Variants in CALN1 observed in about 807,000 individuals in gnomAD.
CALN1 encodes the protein calcium-binding protein 8.
CALN1 carries 17 observed loss-of-function variants against 30.6 expected under a neutral mutation model. The ratio of observed to expected loss-of-function variants is 0.56; its 90% CI spans 0.38 to 0.83. The LOEUF (loss-of-function observed/expected upper bound fraction) is 0.83. Among genes scored for constraint, CALN1 ranks in the 40% least tolerant of loss-of-function variants. The pLI is 0.00. For synonymous variants in CALN1, 156 were observed against 131.4 expected (o/e 1.19, Z -1.28); for missense variants, 291 against 354.9 (o/e 0.82, Z 1.45).
Position 71,993,330 on chromosome 7 carries a change from ATGG to A in CALN1, c.501+30324_501+30326del, listed in dbSNP as rs986396638. On this transcript the variant is annotated intron_variant, in intron 5 of 6. Coordinates refer to ENST00000395275, the MANE Select transcript of CALN1 (RefSeq NM_031468.4). ...GCTCACTTATTATATCTCTTAGTGG[ATGG>A]TGTGTGCCTGTAGTCCTAGCTACTT... is the stretch of plus-strand genomic sequence containing the variant. 6.9e-4 allele frequency among the ~76,000 whole-genome samples: 105 copies of A among 152,068 alleles called. No individual in the cohort carries two copies. The Middle Eastern group carries it at 0.01, about 15-fold the overall frequency.
chr7:72,031,386 G>A (rs541491370), intron 4 of CALN1, among the ~76,000 whole-genome samples: 3 of 152,152 alleles, frequency 2.0e-5, no homozygotes, highest in Non-Finnish European at 2.9e-5. Context: ...CTATGTGCCA[G>A]GCACTGAGCT....
intron 3 of CALN1, among the ~76,000 whole-genome samples, chr7:72,131,138 G>A (rs1168944131): frequency 6.6e-6 from 1 of 152,124 alleles, no homozygotes; most frequent in African/African-American, 2.4e-5. Context: ...AGTGGAGAGA[G>A]AGGCAGAAAA....
At chr7:71,945,504 AG>A (rs1796360382) in intron 5 of CALN1, among the ~76,000 whole-genome samples, 1 of 152,224 alleles carries the variant, frequency 6.6e-6, no homozygotes, top group African/African-American at 2.4e-5. Context: ...GTTAGGAACC[AG>A]GCTACACAGC....
At chr7:72,105,526 G>A (rs1054432604) in intron 4 of CALN1, among the ~76,000 whole-genome samples, 1 of 151,704 alleles carries the variant, frequency 6.6e-6, no homozygotes, top group South Asian at 2.1e-4. Context: ...TCTGGACCAA[G>A]ACCCTGGTCT....
At chr7:71,923,533 A>G (rs1486409480) in intron 5 of CALN1, among the ~76,000 whole-genome samples, 1 of 152,144 alleles carries the variant, frequency 6.6e-6, no homozygotes, top group African/African-American at 2.4e-5. Flanking sequence ...CAAATCTTTC[A>G]TTAAACCAAT....
intron 2 of CALN1, among the ~76,000 whole-genome samples, chr7:72,379,568 A>C (rs1174809168): frequency 2.0e-5 from 3 of 152,254 alleles, no homozygotes; most frequent in Admixed American, 6.5e-5. Context: ...TCAAGCAATT[A>C]TCAGCCATTC....
chr7:72,400,543 G>C (rs1204885536), intron 2 of CALN1, among the ~76,000 whole-genome samples: 1 of 152,088 alleles, frequency 6.6e-6, no homozygotes, highest in Admixed American at 6.6e-5. Flanking sequence ...TAAACTGATG[G>C]GAGCAGAGGC....
chr7:72,444,619 G>A (rs1305724276), intron 1 of CALN1, among the ~76,000 whole-genome samples: 1 of 152,156 alleles, frequency 6.6e-6, no homozygotes, highest in Non-Finnish European at 1.5e-5. Context: ...AAAAGGCACA[G>A]TCCAGCAGTC....
chr7:71,909,023 TTGAC>T (rs1340150207), intron 5 of CALN1, among the ~76,000 whole-genome samples: 6 of 152,294 alleles, frequency 3.9e-5, no homozygotes, highest in African/African-American at 7.2e-5. Context: ...GATTGATTGA[TTGAC>T]TGACGGGCAG....
chr7:72,458,290 ATATATTC>A, the CALN1 span, among the ~76,000 whole-genome samples: 1 of 47,558 alleles, frequency 2.1e-5, no homozygotes, highest in Non-Finnish European at 3.4e-5. Flanking sequence ...ATATTTTATA[ATATATTC>A]TATATTATAT....
chr7:72,403,662 A>G (rs915227999), intron 1 of CALN1, among the ~76,000 whole-genome samples: 1 of 152,210 alleles, frequency 6.6e-6, no homozygotes, highest in African/African-American at 2.4e-5. Flanking sequence ...CAAGCCAATA[A>G]TGGGCTTTTG....
At chr7:72,213,914 G>A (rs1792586745) in intron 3 of CALN1, among the ~76,000 whole-genome samples, 1 of 152,170 alleles carries the variant, frequency 6.6e-6, no homozygotes, top group South Asian at 2.1e-4. Context: ...AGGGCTACGA[G>A]GCAAAGGCGC....
intron 4 of CALN1, among the ~76,000 whole-genome samples, chr7:72,085,006 G>A (rs551507135): frequency 2.6e-5 from 4 of 152,218 alleles, no homozygotes; most frequent in East Asian, 1.9e-4. Context: ...CTACCTGCCC[G>A]TTAGTCACTG....
the CALN1 span, among the ~76,000 whole-genome samples, chr7:72,474,524 C>T: frequency 1.3e-5 from 2 of 151,890 alleles, no homozygotes; most frequent in Non-Finnish European, 2.9e-5. Context: ...TGTCTCTACA[C>T]GAAATACAAA....
At chr7:72,399,753 G>A (rs1806214140) in intron 2 of CALN1, among the ~76,000 whole-genome samples, 1 of 152,192 alleles carries the variant, frequency 6.6e-6, no homozygotes, top group Non-Finnish European at 1.5e-5. Context: ...GATATAGCTT[G>A]GGTATTTGTC....
At chr7:71,853,187 C>T (rs2116605247) in intron 5 of CALN1, among the ~76,000 whole-genome samples, 1 of 152,192 alleles carries the variant, frequency 6.6e-6, no homozygotes, top group Non-Finnish European at 1.5e-5. Context: ...AGCAATCCTC[C>T]TGGCTGAGCC....
chr7:72,007,217 G>A (rs759672030), intron 5 of CALN1, among the ~76,000 whole-genome samples: 10 of 152,182 alleles, frequency 6.6e-5, no homozygotes, highest in South Asian at 4.1e-4. Context: ...ACATCTGGCC[G>A]GGGAACATAA....
At chr7:72,483,086 G>A in the CALN1 span, among the ~76,000 whole-genome samples, 1 of 151,944 alleles carries the variant, frequency 6.6e-6, no homozygotes, top group African/African-American at 2.4e-5. Flanking sequence ...GAAAGCCACT[G>A]TCATTCTTAT....
chr7:72,211,752 C>G (rs1792412602), intron 3 of CALN1, among the ~76,000 whole-genome samples: 1 of 152,116 alleles, frequency 6.6e-6, no homozygotes, highest in Non-Finnish European at 1.5e-5. Context: ...ATCTAACTTG[C>G]CGGCAGATGA....
Sources: allele counts gnomAD v4.1 joint callset (sites outside exome capture counted in the v4.1 genomes callset), GRCh38; gene constraint gnomAD v4.1.1; transcripts MANE v1.5; gene names NCBI Gene and HGNC (gene_info 2026-07-23, HGNC 2026-07-21).